Variants in SP1 observed in about 807,000 individuals in gnomAD.
SP1 encodes Sp1 transcription factor, also known as transcription factor Sp1.
SP1 carries 6 observed loss-of-function variants against 66.3 expected under a neutral mutation model. The ratio of observed to expected loss-of-function variants is 0.09; its 90% confidence interval spans 0.05 to 0.18. The LOEUF is 0.18. Ranked by LOEUF, SP1 falls within the 10% of genes least tolerant of loss-of-function variation. The pLI is 1.00. For synonymous variants in SP1, 417 were observed against 360.8 expected (o/e 1.16, Z -1.77); for missense variants, 848 against 964.5 (o/e 0.88, Z 1.60).
rs988305070 is a variant in SP1, at chr12:53,413,696, G to A, written c.*2456G>A. On this transcript the variant is annotated 3_prime_UTR_variant, in exon 6 of 6. Transcript: ENST00000327443. ...GTAATCATGTACTTTGGCATCTTTT[G>A]GAGGAAAGGGGCAGGATAACTCACT... 1.3e-5 allele frequency: 2 copies of A among 152,454 alleles called. No individual in the cohort carries two copies. The highest frequency in any genetic ancestry group is 2.9e-5 in the Non-Finnish European group (2 of 68,020). 9.4% of individuals were successfully genotyped at this position (152,454 alleles called of 1,614,324 possible). A position where few individuals can be genotyped will look rare whatever the true frequency, so the allele number is the denominator to read the frequency against.
intron 3 of SP1, 94 bp downstream of exon 3, chr12:53,383,716 A>G (rs1314213229): frequency 9.9e-7 from 1 of 1,010,040 alleles, no homozygotes; most frequent in East Asian, 2.4e-5. Flanking sequence ...CTTTTGAGAT[A>G]ACACTTTCTT....
chr12:53,400,934 G>T (rs1938595549), intron 3 of SP1, among the ~76,000 whole-genome samples: 1 of 151,388 alleles, frequency 6.6e-6, no homozygotes, highest in African/African-American at 2.4e-5. Context: ...GCTAATTTTT[G>T]TATTTTTAGT....
chr12:53,384,205 G>T (rs1006592194), intron 3 of SP1, among the ~76,000 whole-genome samples: 1 of 151,820 alleles, frequency 6.6e-6, no homozygotes, highest in Non-Finnish European at 1.5e-5. Flanking sequence ...TCCTGACCTC[G>T]TGATCCGCCC....
chr12:53,392,162 T>C (rs780945418), intron 3 of SP1, among the ~76,000 whole-genome samples: 7 of 152,122 alleles, frequency 4.6e-5, no homozygotes, highest in Non-Finnish European at 1.0e-4. Flanking sequence ...AAATAAATAA[T>C]TTAACCACTT....
Position 53,415,261 on chromosome 12 carries a change from G to A in SP1, c.*4021G>A, listed in dbSNP as rs1011303167. On this transcript the variant is annotated 3_prime_UTR_variant, in exon 6 of 6. Coordinates refer to ENST00000327443, the MANE Select transcript of SP1 (RefSeq NM_138473.3). ...CACAGATACCAGACCTCTTCTAAGA[G>A]GATGAGCAGACCAGCTTTGAGGTTG... The A allele has an allele frequency of 3.3e-5, 5 of 152,508 alleles. No individual in the cohort carries two copies. The highest frequency in any genetic ancestry group is 9.7e-5 in the African/African-American group (4 of 41,368). 9.4% of individuals were successfully genotyped at this position (152,508 alleles called of 1,614,324 possible).
intron 3 of SP1, among the ~76,000 whole-genome samples, chr12:53,403,349 G>T (rs554602130): frequency 6.6e-6 from 1 of 152,068 alleles, no homozygotes; most frequent in South Asian, 2.1e-4. Context: ...TTGCATTATA[G>T]AAATCTTTTT....
chr12:53,386,746 C>G (rs1330767833), intron 3 of SP1, among the ~76,000 whole-genome samples: 1 of 152,002 alleles, frequency 6.6e-6, no homozygotes, highest in African/African-American at 2.4e-5. Context: ...GCCTTGGCCT[C>G]CCAAACTGCT....
rs1386990350 is a variant in SP1, at chr12:53,414,217, G to A, written c.*2977G>A. On this transcript the variant is annotated 3_prime_UTR_variant, in exon 6 of 6. Coordinates refer to ENST00000327443, the MANE Select transcript of SP1 (RefSeq NM_138473.3). ...AATGAGTTTTTTAAATTTTTTAGAT[G>A]ACCAAAACTTGCAGGGCAGGGGATG... is the stretch of plus-strand genomic sequence containing the variant. 6.6e-6 allele frequency: 1 copy of A among 152,320 alleles called. No homozygotes were observed. The highest frequency in any genetic ancestry group is 2.4e-5 in the African/African-American group (1 of 41,390). The allele number at this position is 152,320 out of a possible 1,614,324, so 9.4% of individuals were successfully genotyped here.
At chr12:53,380,446 G>A in intron 1 of SP1, 148 bp downstream of exon 1, 1 of 681,534 alleles carries the variant, frequency 1.5e-6, no homozygotes, top group South Asian at 4.6e-5. Context: ...CGGAGGGAAG[G>A]GAGGGAGACG....
chr12:53,380,736 TCCCCCCCGCC>T, intron 1 of SP1: 6 of 680,086 alleles, frequency 8.8e-6, no homozygotes, highest in Non-Finnish European at 1.0e-5. Flanking sequence ...AGATTTCCCT[TCCCCCCCGCC>T]CCCCACCGTC....
rs960300790 is a variant in SP1, at chr12:53,382,337, C to T, written c.390C>T (p.Gly130=). Residue 130 remains glycine (G), a synonymous_variant, in exon 3 of 6, where the codon GGC becomes GGT. Coordinates refer to ENST00000327443, the MANE Select transcript of SP1 (RefSeq NM_138473.3). ...SKEQSGSSTN[G]SNGSESSKNR... ...AACAGAGTGGCAGCAGTACCAATGG[C>T]AGCAATGGCAGTGAGTCTTCCAAGA... The T allele has an allele frequency of 6.2e-7, 1 of 1,614,188 alleles. No homozygotes were observed. The highest frequency in any genetic ancestry group is 8.5e-7 in the Non-Finnish European group (1 of 1,180,026).
rs1183680022 is a variant in SP1, at chr12:53,412,422, G to T, written c.*1182G>T. 1.3e-5 allele frequency: 2 copies of T among 152,608 alleles called. No individual in the cohort carries two copies. The highest frequency in any genetic ancestry group is 2.4e-5 in the African/African-American group (1 of 41,440). The allele number at this position is 152,608 out of a possible 1,614,324, so 9.5% of individuals were successfully genotyped here. On this transcript the variant is annotated 3_prime_UTR_variant, in exon 6 of 6. Coordinates refer to ENST00000327443, the MANE Select transcript of SP1 (RefSeq NM_138473.3). ...CCAAGGTAGCTCTAAGTTTTGATGTGTGGGCTTCTGAGTTTATATTCTGAA... is the reference window on the plus strand; with the variant it reads ...CCAAGGTAGCTCTAAGTTTTGATGTTTGGGCTTCTGAGTTTATATTCTGAA...
intron 4 of SP1, among the ~76,000 whole-genome samples, chr12:53,409,041 A>G (rs531175316): frequency 8.4e-4 from 128 of 151,934 alleles, no homozygotes; most frequent in African/African-American, 2.9e-3. Flanking sequence ...CCTCGCCAAC[A>G]TTGCGAAACC....
chr12:53,397,910 A>T (rs1343894754), intron 3 of SP1, among the ~76,000 whole-genome samples: 1 of 152,204 alleles, frequency 6.6e-6, no homozygotes, highest in Admixed American at 6.5e-5. Context: ...TACAAATACT[A>T]GTAAAGCCCA....
rs749153496 is a variant in SP1 at position 53,411,288 on chromosome 12, C to T, written c.*48C>T. The T allele has an allele frequency of 1.6e-5, 24 of 1,483,808 alleles. No individual in the cohort carries two copies. Among genetic ancestry groups the T allele is most frequent in the African/African-American group, 6.9e-5 (5 of 71,992 alleles). 91.9% of individuals were successfully genotyped at this position (1,483,808 alleles called of 1,614,324 possible). A position where few individuals can be genotyped will look rare whatever the true frequency, so the allele number is the denominator to read the frequency against. Reference sequence around the variant, plus strand: ...ACATATGGGCCATACCCCTTAACCCCGGGATGCAAGGTAGCATGGGTCCAA... The same window carrying T: ...ACATATGGGCCATACCCCTTAACCCTGGGATGCAAGGTAGCATGGGTCCAA... On this transcript the variant is annotated 3_prime_UTR_variant, in exon 6 of 6. Coordinates refer to ENST00000327443, the MANE Select transcript of SP1 (RefSeq NM_138473.3).
rs1938940403 is a variant in SP1 at position 53,413,645 on chromosome 12, A to G, written c.*2405A>G. ...ACCCTTTATTCTCACTGAAAGGCAG[A>G]ACTCAGAACCTGTTATTTTATGTCT... On this transcript the variant is annotated 3_prime_UTR_variant, in exon 6 of 6. Transcript: ENST00000327443. 6.6e-6 allele frequency: 1 copy of G among 152,606 alleles called. No individual in the cohort carries two copies. The highest frequency in any genetic ancestry group is 2.4e-5 in the African/African-American group (1 of 41,442). 9.5% of individuals were successfully genotyped at this position (152,606 alleles called of 1,614,324 possible).
At chr12:53,399,435 G>A (rs1245538295) in intron 3 of SP1, among the ~76,000 whole-genome samples, 3 of 151,168 alleles carry the variant, frequency 2.0e-5, no homozygotes, top group African/African-American at 4.9e-5. Context: ...GCGAGTTCAC[G>A]CCATTCTTCT....
rs559234139 is a variant in SP1, at chr12:53,411,569, C to T, written c.*329C>T. On this transcript the variant is annotated 3_prime_UTR_variant, in exon 6 of 6. Transcript: ENST00000327443. ...CTTCTCAGCTCTTCCATGATGGATT[C>T]CCCCCCCTTTCCTAAAGCCATCATG... is the stretch of plus-strand genomic sequence containing the variant. 1 of 187,338 alleles carries T rather than the reference C, an allele frequency of 5.3e-6. No individual in the cohort carries two copies. Among genetic ancestry groups the T allele is most frequent in the Non-Finnish European group, 1.1e-5 (1 of 91,914 alleles). The allele number at this position is 187,338 out of a possible 1,614,324, so 11.6% of individuals were successfully genotyped here.
intron 3 of SP1, among the ~76,000 whole-genome samples, chr12:53,401,860 A>G (rs966291644): frequency 6.6e-6 from 1 of 152,018 alleles, no homozygotes; most frequent in Non-Finnish European, 1.5e-5. Context: ...GTAAAGAAGG[A>G]GTTTCATCAT....
Sources: allele counts gnomAD v4.1 joint callset (sites outside exome capture counted in the v4.1 genomes callset), GRCh38; gene constraint gnomAD v4.1.1; transcripts MANE v1.5; gene names NCBI Gene and HGNC (gene_info 2026-07-23, HGNC 2026-07-21).